The following DDR2 variants were observed in gnomAD, a reference collection of about 807,000 sequenced individuals.
DDR2 encodes discoidin domain receptor tyrosine kinase 2, also known as discoidin domain-containing receptor 2.
DDR2 carries 27 observed loss-of-function variants against 94.9 expected under a neutral mutation model. The observed-to-expected ratio is 0.28, with a 90% CI of 0.21 to 0.39. DDR2 has a LOEUF of 0.39. Among genes scored for constraint, DDR2 ranks in the 10% least tolerant of loss-of-function variants. The pLI, the probability that DDR2 is intolerant of heterozygous loss-of-function variation, is 1.00. For synonymous variants in DDR2, 382 were observed against 377.2 expected, an observed-to-expected ratio of 1.01 and a Z score of -0.15; for missense variants, 783 against 1,076.0, an observed-to-expected ratio of 0.73 and a Z score of 3.81.
At chr1:162,709,938 TTC>T (rs1483073610) in intron 2 of DDR2, among the ~76,000 whole-genome samples, 2 of 152,218 alleles carry the variant, frequency 1.3e-5, no homozygotes, top group African/African-American at 4.8e-5. Context: ...AGTTTGCATT[TTC>T]TCTCCTTCTT....
chr1:162,659,507 T>A (rs550203076), intron 2 of DDR2, among the ~76,000 whole-genome samples: 1 of 151,782 alleles, frequency 6.6e-6, no homozygotes, highest in East Asian at 1.9e-4. Context: ...GAGGATTGGG[T>A]TGAGGAGTGG....
intron 1 of DDR2, 114 bp from the exon 2 acceptor site, chr1:162,655,097 C>A (rs1210901977): frequency 6.6e-6 from 1 of 151,878 alleles, no homozygotes; most frequent in African/African-American, 2.4e-5. Context: ...TCCTTTAGTG[C>A]CTGGTGTGCT....
In DDR2 at chr1:162,785,874, A is replaced by C. The variant is rs1648128357; in HGVS notation, c.*5628A>C. 1 of 152,196 alleles carries C rather than the reference A, an allele frequency of 6.6e-6. No individual in the cohort carries two copies. Among genetic ancestry groups the C allele is most frequent in the Non-Finnish European group, 1.5e-5 (1 of 68,018 alleles). The allele number at this position is 152,196 out of a possible 1,614,324, so 9.4% of individuals were successfully genotyped here. A position where few individuals can be genotyped will look rare whatever the true frequency, so the allele number is the denominator to read the frequency against. ...TTTTTGAGGCATTTAGACAGCAATG[A>C]AAGGTAGTTCTCCACAGGACACCGA... On this transcript the variant is annotated 3_prime_UTR_variant, in exon 18 of 18. Coordinates refer to ENST00000367921, the MANE Select transcript of DDR2 (RefSeq NM_006182.4).
At chr1:162,678,790 A>G (rs1659256610) in intron 2 of DDR2, among the ~76,000 whole-genome samples, 1 of 152,192 alleles carries the variant, frequency 6.6e-6, no homozygotes, top group Non-Finnish European at 1.5e-5. Context: ...AGTGAGGTGG[A>G]GAAACTGCCC....
At chr1:162,763,618 A>G (rs61060946) in intron 9 of DDR2, among the ~76,000 whole-genome samples, 3 of 152,054 alleles carry the variant, frequency 2.0e-5, no homozygotes, top group African/African-American at 7.2e-5. Context: ...CATGTACAGC[A>G]CCCGACGTGG....
At chr1:162,689,660 C>G (rs1201846015) in intron 2 of DDR2, among the ~76,000 whole-genome samples, 1 of 150,462 alleles carries the variant, frequency 6.6e-6, no homozygotes, top group Non-Finnish European at 1.5e-5. Flanking sequence ...AAGAAGGCAT[C>G]AAGGTTTTGT....
At chr1:162,663,462 G>A (rs1301386263) in intron 2 of DDR2, among the ~76,000 whole-genome samples, 1 of 152,106 alleles carries the variant, frequency 6.6e-6, no homozygotes, top group Non-Finnish European at 1.5e-5. Flanking sequence ...CAAAATATTG[G>A]ATTTTCTTTT....
intron 3 of DDR2, chr1:162,741,493 G>A (rs544350410): frequency 1.4e-6 from 1 of 707,848 alleles, no homozygotes; most frequent in South Asian, 6.4e-5. Context: ...TGTGTACTCT[G>A]CCAACTACAT....
chr1:162,766,088 A>G, intron 10 of DDR2, 25 bp downstream of exon 10: 2 of 1,611,420 alleles, frequency 1.2e-6, no homozygotes, highest in Non-Finnish European at 8.5e-7. Context: ...TAATTACACA[A>G]ATTAATTTGA....
At chr1:162,770,571 G>A (rs1285543806) in intron 12 of DDR2, 59 bp downstream of exon 12, 2 of 1,507,296 alleles carry the variant, frequency 1.3e-6, no homozygotes, top group African/African-American at 1.4e-5. Flanking sequence ...CATCAGGTAG[G>A]TATGACACGC....
chr1:162,745,291 T>C (rs1662794965), intron 3 of DDR2, among the ~76,000 whole-genome samples: 1 of 152,248 alleles, frequency 6.6e-6, no homozygotes, highest in South Asian at 2.1e-4. Context: ...CTTTTCACTT[T>C]GTTCATTGTT....
rs539073280 is a variant in DDR2, at chr1:162,639,266, A to C, written c.-192+6635A>C. On this transcript the variant is annotated intron_variant, in intron 1 of 17. Coordinates refer to ENST00000367921, the MANE Select transcript of DDR2 (RefSeq NM_006182.4). ...ACTGTAAAGCTCTGGTAATCAATAC[A>C]TTGTGGTACTGGTGAAAAAATAAAC... Among the ~76,000 whole-genome samples, 3 of 152,356 alleles carry C rather than the reference A, an allele frequency of 2.0e-5. No homozygotes were observed. The Middle Eastern group carries it at 0.01, about 518-fold the overall frequency.
At chr1:162,772,884 T>C (rs192607680) in intron 13 of DDR2, among the ~76,000 whole-genome samples, 1 of 152,342 alleles carries the variant, frequency 6.6e-6, no homozygotes, top group Admixed American at 6.5e-5. Context: ...ATAAAACATT[T>C]GGTTTCCTAA....
At chr1:162,727,922 C>A (rs1051409706) in intron 3 of DDR2, among the ~76,000 whole-genome samples, 1 of 146,398 alleles carries the variant, frequency 6.8e-6, no homozygotes, top group Non-Finnish European at 1.5e-5. Context: ...ACCCACAGGC[C>A]AGGACCAAGA....
chr1:162,767,413 G>A, intron 11 of DDR2, 54 bp downstream of exon 11: 1 of 1,605,620 alleles, frequency 6.2e-7, no homozygotes, highest in South Asian at 1.1e-5. Flanking sequence ...TCTTTCTTAA[G>A]CCACTGTTGT....
intron 2 of DDR2, among the ~76,000 whole-genome samples, chr1:162,714,041 T>A (rs1354143781): frequency 1.3e-5 from 2 of 152,198 alleles, no homozygotes; most frequent in East Asian, 3.8e-4. Flanking sequence ...TTAATGTTTG[T>A]CTTTGTGACT....
At chr1:162,711,739 C>G (rs1411215963) in intron 2 of DDR2, among the ~76,000 whole-genome samples, 1 of 152,168 alleles carries the variant, frequency 6.6e-6, no homozygotes, top group Non-Finnish European at 1.5e-5. Flanking sequence ...AAAGGTGTTT[C>G]TCTTCATATC....
At chr1:162,646,175 T>C (rs1234805729) in intron 1 of DDR2, among the ~76,000 whole-genome samples, 4 of 152,222 alleles carry the variant, frequency 2.6e-5, no homozygotes, top group African/African-American at 7.2e-5. Flanking sequence ...TGCATGATGG[T>C]TACTGCTTGT....
rs545300212 is a variant in DDR2 at position 162,779,951 on chromosome 1, C to T, written c.2434-161C>T. 9.1e-4 allele frequency among the ~76,000 whole-genome samples: 138 copies of T among 152,220 alleles called. 1 individual carries two copies. Among genetic ancestry groups the T allele is most frequent in the African/African-American group, 3.2e-3 (131 of 41,536 alleles). On this transcript the variant is annotated intron_variant, in intron 17 of 17. Coordinates refer to ENST00000367921, the MANE Select transcript of DDR2 (RefSeq NM_006182.4). ...GGGCTGATATGATTCAGAACTTTCA[C>T]GAGTAGGAAAAATGGACACTACACC... is the stretch of plus-strand genomic sequence containing the variant.
Sources: gnomAD v4.1 joint callset for allele counts (sites outside exome capture counted in the v4.1 genomes callset) on GRCh38, gnomAD v4.1.1 for gene constraint, MANE v1.5 for transcripts, NCBI Gene and HGNC (gene_info 2026-07-23, HGNC 2026-07-21) for gene names.